Variants in ETV1 observed in about 807,000 individuals in gnomAD.
ETV1 encodes the protein ETS translocation variant 1.
A neutral mutation model predicts 62.3 loss-of-function variants in ETV1; 27 were observed. The observed-to-expected ratio is 0.43, with a 90% CI of 0.32 to 0.60. ETV1 has a LOEUF of 0.60. Ranked by LOEUF, ETV1 falls within the 20% of genes least tolerant of loss-of-function variation. The probability of loss-of-function intolerance (pLI) is 0.06; values close to 1 mark genes in which losing one functional copy is unlikely to be tolerated. For missense variants in ETV1, 605 were observed against 605.8 expected, an observed-to-expected ratio of 1.00 and a Z score of 0.01; for synonymous variants, 222 against 199.6, an observed-to-expected ratio of 1.11 and a Z score of -0.94.
At chr7:13,986,460 A>G (rs1782560485) in intron 5 of ETV1, 178 bp downstream of exon 5, 1 of 1,504,228 alleles carries the variant, frequency 6.6e-7, no homozygotes, top group South Asian at 1.3e-5. Flanking sequence ...ACTGGGTAGT[A>G]CAGCCCCAGA....
At chr7:13,906,992 G>C (rs930085088) in intron 11 of ETV1, among the ~76,000 whole-genome samples, 2 of 150,724 alleles carry the variant, frequency 1.3e-5, no homozygotes, top group African/African-American at 4.9e-5. Context: ...CACTGAAGAG[G>C]GAATAATCAA....
intron 6 of ETV1, among the ~76,000 whole-genome samples, chr7:13,960,353 A>C (rs887712993): frequency 1.3e-5 from 2 of 152,124 alleles, no homozygotes; most frequent in Non-Finnish European, 2.9e-5. Flanking sequence ...ACAGTACATA[A>C]ATTAAGTAGA....
chr7:13,910,020 C>T (rs1346490571), intron 10 of ETV1, among the ~76,000 whole-genome samples: 3 of 152,022 alleles, frequency 2.0e-5, no homozygotes, highest in African/African-American at 4.8e-5. Flanking sequence ...GGATTTATAA[C>T]GTATCGTCTC....
chr7:13,931,453 G>A (rs774366232), intron 9 of ETV1, 49 bp downstream of exon 9: 1 of 1,609,044 alleles, frequency 6.2e-7, no homozygotes, highest in South Asian at 1.1e-5. Flanking sequence ...ATGTGACAAG[G>A]GAGGTGAAAA....
intron 6 of ETV1, among the ~76,000 whole-genome samples, chr7:13,961,721 A>G (rs1254031438): frequency 2.0e-5 from 3 of 152,162 alleles, no homozygotes; most frequent in African/African-American, 7.2e-5. Context: ...ATAATCTTAC[A>G]CATAAGATGC....
At chr7:13,930,514 G>A (rs1260469752) in intron 9 of ETV1, among the ~76,000 whole-genome samples, 1 of 151,746 alleles carries the variant, frequency 6.6e-6, no homozygotes, top group African/African-American at 2.4e-5. Context: ...GTACAGACAG[G>A]GTTTCACCGT....
intron 6 of ETV1, among the ~76,000 whole-genome samples, chr7:13,956,922 A>G (rs1408553695): frequency 6.6e-6 from 1 of 150,822 alleles, no homozygotes; most frequent in African/African-American, 2.5e-5. Context: ...AAAATTGCAA[A>G]ATGTCAAAAA....
At chr7:13,909,884 A>T (rs968639771) in intron 10 of ETV1, among the ~76,000 whole-genome samples, 184 bp from the exon 11 acceptor site, 4 of 152,158 alleles carry the variant, frequency 2.6e-5, no homozygotes, top group African/African-American at 9.7e-5. Context: ...AAATGGGATG[A>T]CAGTAACACC....
chr7:13,928,538 T>C (rs1012747580), intron 9 of ETV1, among the ~76,000 whole-genome samples: 1 of 151,766 alleles, frequency 6.6e-6, no homozygotes, highest in Admixed American at 6.6e-5. Context: ...CGCTTGAACC[T>C]GGCAGACGGA....
chr7:13,896,236 T>TAAAAAA lies in ETV1; in HGVS notation c.1213-155_1213-150dup, dbSNP rs5882422. On this transcript the variant is annotated intron_variant, in intron 13 of 13. Transcript: ENST00000430479. ...GCAAACAACTAATAGCAGATACACA[T>TAAAAAA]AAAAAAAAAAAAGTCTTTACTTTGT... The TAAAAAA allele has an allele frequency of 1.2e-5, 6 of 481,928 alleles. No homozygotes were observed. The East Asian group carries it at 1.6e-4, about 13-fold the overall frequency. 29.9% of individuals were successfully genotyped at this position (481,928 alleles called of 1,614,324 possible).
chr7:13,984,953 T>G (rs1782399337), intron 5 of ETV1, among the ~76,000 whole-genome samples: 1 of 150,602 alleles, frequency 6.6e-6, no homozygotes. Flanking sequence ...TGAAACTGAT[T>G]ATAAAATGGT....
intron 7 of ETV1, 106 bp from the exon 8 acceptor site, chr7:13,936,002 G>T: frequency 3.4e-6 from 3 of 878,304 alleles, no homozygotes; most frequent in Non-Finnish European, 5.1e-6. Context: ...TAAGTCAAAT[G>T]GAAATGAAAA....
At chr7:13,901,739 G>T (rs1443145277) in intron 12 of ETV1, among the ~76,000 whole-genome samples, 2 of 152,112 alleles carry the variant, frequency 1.3e-5, no homozygotes, top group Non-Finnish European at 2.9e-5. Flanking sequence ...CCAAACTGAA[G>T]AATTAAGCAT....
intron 5 of ETV1, chr7:13,986,179 C>T (rs374410420): frequency 6.3e-6 from 10 of 1,590,072 alleles, no homozygotes; most frequent in African/African-American, 1.3e-5. Context: ...TGAAGCATCC[C>T]GTCCTGATGA....
intron 6 of ETV1, among the ~76,000 whole-genome samples, chr7:13,954,214 T>C (rs1789152605): frequency 6.6e-6 from 1 of 152,196 alleles, no homozygotes; most frequent in South Asian, 2.1e-4. Context: ...CAGCAGTATT[T>C]TAAAGGCAAT....
intron 9 of ETV1, among the ~76,000 whole-genome samples, chr7:13,913,333 A>G (rs540772680): frequency 2.6e-4 from 40 of 152,352 alleles, no homozygotes; most frequent in African/African-American, 9.4e-4. Context: ...GTACAGCACA[A>G]TGGTTATAAA....
At chr7:13,952,311 T>C (rs1000816702) in intron 6 of ETV1, among the ~76,000 whole-genome samples, 21 of 152,172 alleles carry the variant, frequency 1.4e-4, no homozygotes, top group Non-Finnish European at 1.8e-4. Flanking sequence ...TGCGTGTAAG[T>C]GCCTGCTTAC....
intron 9 of ETV1, among the ~76,000 whole-genome samples, chr7:13,912,178 A>G (rs1305187413): frequency 6.6e-6 from 1 of 152,210 alleles, no homozygotes; most frequent in Admixed American, 6.5e-5. Context: ...AGAGGAAAAC[A>G]GATAGGCTAA....
intron 6 of ETV1, among the ~76,000 whole-genome samples, chr7:13,940,219 C>T (rs1401492169): frequency 4.0e-5 from 6 of 151,500 alleles, no homozygotes; most frequent in East Asian, 3.9e-4. Flanking sequence ...AAAATTAGGC[C>T]GGTATGATGG....
Sources: allele counts gnomAD v4.1 joint callset (sites outside exome capture counted in the v4.1 genomes callset), GRCh38; gene constraint gnomAD v4.1.1; transcripts MANE v1.5; gene names NCBI Gene and HGNC (gene_info 2026-07-23, HGNC 2026-07-21).